TET2: variants seen among roughly 807,000 people sequenced by gnomAD.
The protein encoded by TET2 is tet methylcytosine dioxygenase 2.
Under a neutral mutation model 142.9 loss-of-function variants are expected in TET2, and 299 were observed. The observed-to-expected ratio is 2.09, with a 90% CI of 1.90 to 2.30. The LOEUF (loss-of-function observed/expected upper bound fraction) is 2.30, where lower values mean the gene tolerates loss of function less well. Among genes scored for constraint, TET2 ranks in the 30% most tolerant of loss-of-function variants. TET2 has a pLI of 0.00. For synonymous variants in TET2, 819 were observed against 849.0 expected, an observed-to-expected ratio of 0.96 and a Z score of 0.61; for missense variants, 2,418 against 2,378.0, an observed-to-expected ratio of 1.02 and a Z score of -0.35.
At chr4:105,170,813 TGATGTGC>T (rs1483411845) in intron 1 of TET2, among the ~76,000 whole-genome samples, 4 of 152,170 alleles carry the variant, frequency 2.6e-5, no homozygotes, top group African/African-American at 9.7e-5. Context: ...AATATAAACA[TGATGTGC>T]GACACTACTT....
chr4:105,160,192 A>T (rs1723779743), intron 1 of TET2, among the ~76,000 whole-genome samples: 1 of 152,070 alleles, frequency 6.6e-6, no homozygotes, highest in African/African-American at 2.4e-5. Context: ...ACCTTCTCTC[A>T]TTTTTAATTT....
chr4:105,204,274 T>C lies in TET2; in HGVS notation c.-47+13769T>C, dbSNP rs561887189. 7.1e-3 allele frequency among the ~76,000 whole-genome samples: 878 copies of C among 123,584 alleles called. 11 individuals carry two copies. Among genetic ancestry groups the C allele is most frequent in the African/African-American group, 0.021 (656 of 30,824 alleles). The allele number at this position is 123,584 out of a possible 152,430, so 81.1% of individuals were successfully genotyped here. On this transcript the variant is annotated intron_variant, in intron 2 of 10. Transcript: ENST00000380013. The stretch of plus-strand genomic sequence containing the variant: ...ACACACACACACACACACACATACA[T>C]ACATACATTAGAAAACTAATTACAT...
At chr4:105,152,315 G>T (rs1355813378) in intron 1 of TET2, among the ~76,000 whole-genome samples, 1 of 151,920 alleles carries the variant, frequency 6.6e-6, no homozygotes, top group African/African-American at 2.4e-5. Context: ...AATAGGAGAT[G>T]AATAAATTGG....
At chr4:105,186,347 C>T (rs17583579) in intron 1 of TET2, among the ~76,000 whole-genome samples, 8,730 of 152,224 alleles carry the variant, frequency 0.057, 429 homozygotes, top group East Asian at 0.19. Flanking sequence ...TTATCTTAAC[C>T]TCTGTCTTCA....
In TET2 at chr4:105,235,759, C is replaced by A. The variant is rs1271472475; in HGVS notation, c.1817C>A (p.Thr606Asn). 3 of 1,614,062 alleles carry A rather than the reference C, an allele frequency of 1.9e-6. No homozygotes were observed. Among genetic ancestry groups the A allele is most frequent in the African/African-American group, 1.3e-5 (1 of 74,930 alleles). ...AATCAAATGACCTCCAAACAATACA[C>A]TGGAAATTCCAACATGCCTGGGGGG... ...LSNQMTSKQY[T>N]GNSNMPGGLP... Residue 606 changes from threonine (T) to asparagine (N), a missense_variant, in exon 3 of 11, where the codon ACT becomes AAT. Physicochemically the swap from Thr to Asn is moderately conservative, Grantham distance 65. Coordinates refer to ENST00000380013, the MANE Select transcript of TET2 (RefSeq NM_001127208.3).
rs777619320 is a variant in TET2 at position 105,235,114 on chromosome 4, C to G, written c.1172C>G (p.Ser391Cys). The G allele has an allele frequency of 1.9e-6, 3 of 1,613,922 alleles. No individual in the cohort carries two copies. Among genetic ancestry groups the G allele is most frequent in the Non-Finnish European group, 2.5e-6 (3 of 1,179,918 alleles). ...CAAAGCTCAGTGTTCACTAAGGATT[C>G]CTTTTCTGCCACTACCACACCACCA... ...FKQSSVFTKDSFSATTTPPPP... is the reference protein window; with the variant it reads ...FKQSSVFTKDCFSATTTPPPP... The change falls in exon 3 of 11, where the codon TCC (serine) becomes TGC (cysteine). Residue 391 changes from serine (S) to cysteine (C), a missense_variant. Physicochemically the swap from Ser to Cys is moderately radical, Grantham distance 112. Transcript: ENST00000380013.
chr4:105,162,752 T>A (rs1334216304), intron 1 of TET2, among the ~76,000 whole-genome samples: 1 of 152,204 alleles, frequency 6.6e-6, no homozygotes, highest in Admixed American at 6.5e-5. Context: ...TACATTTTAT[T>A]TTTGAAAACA....
At position 105,239,074 on chromosome 4, in the gene TET2, G is replaced by GTTT. The variant is rs372909927; in HGVS notation, c.3409+1733_3409+1735dup. The GTTT allele has an allele frequency of 6.2e-3, 1,311 of 211,820 alleles. 6 individuals carry two copies. The highest frequency in any genetic ancestry group is 7.7e-3 in the Admixed American group (125 of 16,324). The allele number at this position is 211,820 out of a possible 1,614,324, so 13.1% of individuals were successfully genotyped here. On this transcript the variant is annotated intron_variant, in intron 3 of 10. Transcript: ENST00000380013. ...AAAGGAGGTTTTGGTTTTGTTTTTTGTTTTTTTTTTTTGTTTTTTAGCAGT... is the reference window on the plus strand; with the variant it reads ...AAAGGAGGTTTTGGTTTTGTTTTTTGTTTTTTTTTTTTTTTGTTTTTTAGCAGT...
At chr4:105,229,659 A>C (rs1410794475) in intron 2 of TET2, among the ~76,000 whole-genome samples, 1 of 152,054 alleles carries the variant, frequency 6.6e-6, no homozygotes, top group Non-Finnish European at 1.5e-5. Flanking sequence ...ATTTAAAAAA[A>C]AAAAAAAGGA....
Position 105,275,500 on chromosome 4 carries a change from C to T in TET2, c.4990C>T (p.Gln1664Ter), listed in dbSNP as rs1731166887. Reference sequence around the variant, plus strand: ...GATGGATCTGTATAGGTATCCAAGCCAAGACCCTCTGTCTAAGCTCAGTCT... The same window carrying T: ...GATGGATCTGTATAGGTATCCAAGCTAAGACCCTCTGTCTAAGCTCAGTCT... The part of the protein sequence containing the change: ...QPMDLYRYPS[Q>*]DPLSKLSLPP... Residue 1664 changes from glutamine (Q) to a stop codon, truncating the protein, a stop_gained, in exon 11 of 11, where the codon CAA (glutamine) becomes TAA (stop). Transcript: ENST00000380013. LOFTEE classifies it low-confidence loss of function (END_TRUNC). 3 of 1,551,560 alleles carry T rather than the reference C, an allele frequency of 1.9e-6. No individual in the cohort carries two copies. Among genetic ancestry groups the T allele is most frequent in the Non-Finnish European group, 1.7e-6 (2 of 1,146,988 alleles).
At chr4:105,178,098 GCAAAAA>G (rs986251243) in intron 1 of TET2, 22 of 151,466 alleles carry the variant, frequency 1.5e-4, no homozygotes, top group Middle Eastern at 3.4e-3. Context: ...AAAAAAAAAA[GCAAAAA>G]CAAAAACAAA....
chr4:105,185,798 A>G (rs1264370101), intron 1 of TET2, among the ~76,000 whole-genome samples: 1 of 152,052 alleles, frequency 6.6e-6, no homozygotes, highest in Non-Finnish European at 1.5e-5. Flanking sequence ...AAAAATAAAA[A>G]TAGAACAGTG....
intron 2 of TET2, among the ~76,000 whole-genome samples, chr4:105,201,810 A>G (rs1399244847): frequency 8.3e-6 from 1 of 120,408 alleles, no homozygotes; most frequent in Non-Finnish European, 1.6e-5. Flanking sequence ...GGCCTGATTG[A>G]GGCTCACTGC....
chr4:105,234,664 C>T lies in TET2; in HGVS notation c.722C>T (p.Ala241Val), dbSNP rs771996203. 2.0e-5 allele frequency: 32 copies of T among 1,613,920 alleles called. No homozygotes were observed. Among genetic ancestry groups the T allele is most frequent in the South Asian group, 5.5e-5 (5 of 91,082 alleles). ...SQYYPDCVSIAVQKTTSHINA... is the reference protein window; with the variant it reads ...SQYYPDCVSIVVQKTTSHINA... Reference sequence around the variant, plus strand: ...TATTATCCAGATTGTGTTTCCATTGCGGTGCAGAAAACCACATCTCACATA... The same window carrying T: ...TATTATCCAGATTGTGTTTCCATTGTGGTGCAGAAAACCACATCTCACATA... Residue 241 changes from alanine to valine, a missense_variant, in exon 3 of 11, where the codon GCG (alanine) becomes GTG (valine). Physicochemically the swap from Ala to Val is moderately conservative, Grantham distance 64. Coordinates refer to ENST00000380013, the MANE Select transcript of TET2 (RefSeq NM_001127208.3).
chr4:105,233,998 T>A lies in TET2; in HGVS notation c.56T>A (p.Ile19Lys), dbSNP rs1247584944. The A allele has an allele frequency of 2.5e-6, 4 of 1,614,106 alleles. No homozygotes were observed. In the South Asian group the frequency reaches 4.4e-5, roughly 18 times the overall value. Residue 19 changes from isoleucine to lysine, a missense_variant, in exon 3 of 11, where the codon ATA becomes AAA. By Grantham distance (102) the Ile-to-Lys change is moderately radical. Coordinates refer to ENST00000380013, the MANE Select transcript of TET2 (RefSeq NM_001127208.3). ...GGCAACAGACTAAGTCCATTCCTGA[T>A]ACCATCACCTCCCATTTGCCAGACA... The part of the protein sequence containing the change: ...VEGNRLSPFL[I>K]PSPPICQTEP...
At chr4:105,200,164 C>T (rs191417888) in intron 2 of TET2, among the ~76,000 whole-genome samples, 141 of 152,174 alleles carry the variant, frequency 9.3e-4, no homozygotes, top group African/African-American at 3.2e-3. Flanking sequence ...CCACCAATAG[C>T]ATATAAGTGT....
Position 105,242,329 on chromosome 4 carries a change from G to A in TET2, c.3501-505G>A, listed in dbSNP as rs890595248. The A allele has an allele frequency of 4.6e-6, 5 of 1,077,578 alleles. No individual in the cohort carries two copies. The African/African-American group carries it at 8.2e-5, about 18-fold the overall frequency. 66.8% of individuals were successfully genotyped at this position (1,077,578 alleles called of 1,614,324 possible). ...CAGTAGGTGGTGCTTTGGTCATAAGGGAAGATATAGTCTATTTCTAGGACT... is the reference window on the plus strand; with the variant it reads ...CAGTAGGTGGTGCTTTGGTCATAAGAGAAGATATAGTCTATTTCTAGGACT... On this transcript the variant is annotated intron_variant, in intron 4 of 10. Coordinates refer to ENST00000380013, the MANE Select transcript of TET2 (RefSeq NM_001127208.3).
At chr4:105,248,216 C>T (rs1019669521) in intron 6 of TET2, among the ~76,000 whole-genome samples, 1 of 152,178 alleles carries the variant, frequency 6.6e-6, no homozygotes, top group Non-Finnish European at 1.5e-5. Context: ...CTTCATCAAA[C>T]TTTCACCAGA....
chr4:105,151,250 G>A (rs1454205140), intron 1 of TET2, among the ~76,000 whole-genome samples: 1 of 152,106 alleles, frequency 6.6e-6, no homozygotes, highest in Non-Finnish European at 1.5e-5. Context: ...GAGCTCAAGT[G>A]TTCTAACTTA....
Sources: allele counts gnomAD v4.1 joint callset (sites outside exome capture counted in the v4.1 genomes callset), GRCh38; gene constraint gnomAD v4.1.1; transcripts MANE v1.5; gene names NCBI Gene and HGNC (gene_info 2026-07-23, HGNC 2026-07-21).